The following OR10K2 variants were observed in gnomAD, a reference collection of about 807,000 sequenced individuals.
The protein encoded by OR10K2 is olfactory receptor 10K2.
For missense variants in OR10K2, 401 were observed against 367.1 expected (o/e 1.09, Z -0.76); for synonymous variants, 169 against 146.4 (o/e 1.15, Z -1.11).
chr1:158,421,077 A>G (rs1655147417), intron 1 of OR10K2, 150 bp from the exon 2 acceptor site: 1 of 599,386 alleles, frequency 1.7e-6, no homozygotes, highest in Non-Finnish European at 2.9e-6. Flanking sequence ...GAGTCTCCAT[A>G]GTAGTTCTAA....
chr1:158,422,769 A>G (rs961196275), intron 1 of OR10K2, among the ~76,000 whole-genome samples: 1 of 152,026 alleles, frequency 6.6e-6, no homozygotes, highest in African/African-American at 2.4e-5. Flanking sequence ...TAGGTCTGCA[A>G]TGAAGATACA....
chr1:158,420,246 C>T lies in OR10K2; in HGVS notation c.621G>A (p.Leu207=), dbSNP rs763063679. The T allele has an allele frequency of 6.2e-7, 1 of 1,613,752 alleles. No individual in the cohort carries two copies. The highest frequency in any genetic ancestry group is 1.3e-5 in the African/African-American group (1 of 75,006). ...CCAAGATCAACAATAAGGGGATAGCCAGGACCAATGTACAGAGCATGAAGA... is the reference window on the plus strand; with the variant it reads ...CCAAGATCAACAATAAGGGGATAGCTAGGACCAATGTACAGAGCATGAAGA... The part of the protein sequence containing the change: ...IVIFMLCTLV[L]AIPLLLILVS... The change falls in exon 2 of 2, where the codon CTG becomes CTA. Residue 207 remains leucine (L), a synonymous_variant. Coordinates refer to ENST00000641042, the MANE Select transcript of OR10K2 (RefSeq NM_001004476.2).
At position 158,420,635 on chromosome 1, in the gene OR10K2, C is replaced by T. The variant is rs541542957; in HGVS notation, c.232G>A (p.Val78Ile). Reference sequence around the variant, plus strand: ...AGCAGGTCAACCAGCATCTTGGGTACAATGATGAAGGTGTAGCAAATCTCA... The same window carrying T: ...AGCAGGTCAACCAGCATCTTGGGTATAATGATGAAGGTGTAGCAAATCTCA... ...CSEICYTFII[V>I]PKMLVDLLSQ... The change falls in exon 2 of 2, where the codon GTA becomes ATA. Residue 78 changes from valine (V) to isoleucine (I), a missense_variant. Val to Ile is a conservative substitution (Grantham distance 29). Coordinates refer to ENST00000641042, the MANE Select transcript of OR10K2 (RefSeq NM_001004476.2). 2 of 1,613,756 alleles carry T rather than the reference C, an allele frequency of 1.2e-6. No homozygotes were observed. The highest frequency in any genetic ancestry group is 4.5e-5 in the East Asian group (2 of 44,854).
chr1:158,424,934 G>A (rs969830432), intron 1 of OR10K2, among the ~76,000 whole-genome samples: 1 of 152,036 alleles, frequency 6.6e-6, no homozygotes, highest in South Asian at 2.1e-4. Flanking sequence ...CATTCATTCT[G>A]ATGTCAGCTA....
rs767492628 is a variant in OR10K2, at chr1:158,420,536, G to A, written c.331C>T (p.His111Tyr). ...MFSFLFLGCS[H>Y]SFLLAVMGYD... ...CCCATGACTGCCAGCAGAAAGGAGT[G>A]AGAGCAGCCAAGGAAGAGGAAGGAA... Residue 111 changes from histidine to tyrosine, a missense_variant, in exon 2 of 2, where the codon CAC becomes TAC. His to Tyr is a moderately conservative substitution (Grantham distance 83). Coordinates refer to ENST00000641042, the MANE Select transcript of OR10K2 (RefSeq NM_001004476.2). The A allele has an allele frequency of 2.5e-6, 4 of 1,613,764 alleles. No homozygotes were observed. The African/African-American group carries it at 4.0e-5, about 16-fold the overall frequency.
At position 158,420,084 on chromosome 1, in the gene OR10K2, C is replaced by A; in HGVS notation, c.783G>T (p.Arg261Ser). 1 of 1,613,538 alleles carries A rather than the reference C, an allele frequency of 6.2e-7. No homozygotes were observed. The highest frequency in any genetic ancestry group is 8.5e-7 in the Non-Finnish European group (1 of 1,179,810). Residue 261 changes from arginine (R) to serine (S), a missense_variant, in exon 2 of 2, where the codon AGG becomes AGT. By Grantham distance (110) the Arg-to-Ser change is moderately radical (BLOSUM62 -1). Coordinates refer to ENST00000641042, the MANE Select transcript of OR10K2 (RefSeq NM_001004476.2). ...GGCTTGAGGAGTAGTTGGACTGAGG[C>A]CTTAAGTAGATAAAGGAGGCACAGC... The part of the protein sequence containing the change: ...HYGCASFIYL[R>S]PQSNYSSSQD...
In OR10K2 at chr1:158,419,158, A is replaced by G. The variant is rs1350373879; in HGVS notation, c.*770T>C. On this transcript the variant is annotated 3_prime_UTR_variant, in exon 2 of 2. Transcript: ENST00000641042. ...TTTGGATATATCTTATGCATCAAAC[A>G]TTGTAATGACGCTTAACAAGTATCT... 2 of 154,780 alleles carry G rather than the reference A, an allele frequency of 1.3e-5. No individual in the cohort carries two copies. The highest frequency in any genetic ancestry group is 2.9e-5 in the Non-Finnish European group (2 of 68,194). The allele number at this position is 154,780 out of a possible 1,614,324, so 9.6% of individuals were successfully genotyped here. A position where few individuals can be genotyped will look rare whatever the true frequency, so the allele number is the denominator to read the frequency against.
intron 1 of OR10K2, among the ~76,000 whole-genome samples, chr1:158,422,475 A>G (rs1655173979): frequency 6.6e-6 from 1 of 152,068 alleles, no homozygotes; most frequent in Non-Finnish European, 1.5e-5. Context: ...CTGGCACTGA[A>G]GAGAGCATCT....
At chr1:158,423,227 A>ATT (rs11306254) in intron 1 of OR10K2, among the ~76,000 whole-genome samples, 141 of 136,338 alleles carry the variant, frequency 1.0e-3, no homozygotes, top group South Asian at 3.8e-3. Flanking sequence ...TTCGCCCAAT[A>ATT]TTTTTTTTTT....
rs981635199 is a variant in OR10K2, at chr1:158,419,179, T to C, written c.*749A>G. The C allele has an allele frequency of 2.6e-5, 4 of 154,772 alleles. No individual in the cohort carries two copies. Among genetic ancestry groups the C allele is most frequent in the Non-Finnish European group, 4.4e-5 (3 of 68,186 alleles). 9.6% of individuals were successfully genotyped at this position (154,772 alleles called of 1,614,324 possible). Reference sequence around the variant, plus strand: ...AAACATTGTAATGACGCTTAACAAGTATCTCATTTAACAATTGTGATCTGA... The same window carrying C: ...AAACATTGTAATGACGCTTAACAAGCATCTCATTTAACAATTGTGATCTGA... On this transcript the variant is annotated 3_prime_UTR_variant, in exon 2 of 2. Transcript: ENST00000641042.
chr1:158,424,735 A>ACCTGTGTGTG (rs1478821307), intron 1 of OR10K2, among the ~76,000 whole-genome samples: 1 of 80,270 alleles, frequency 1.2e-5, no homozygotes, highest in Non-Finnish European at 2.9e-5. Flanking sequence ...CTACAGTACA[A>ACCTGTGTGTG]TCTGTGTGTG....
chr1:158,420,000 A>T lies in OR10K2; in HGVS notation c.867T>A (p.Ile289=), dbSNP rs116653457. 8.2e-4 allele frequency: 1,324 copies of T among 1,613,270 alleles called. 12 individuals carry two copies. In the African/African-American group the frequency reaches 0.015, roughly 19 times the overall value. Residue 289 remains isoleucine (I), a synonymous_variant, in exon 2 of 2, where the codon ATT becomes ATA. Coordinates refer to ENST00000641042, the MANE Select transcript of OR10K2 (RefSeq NM_001004476.2). ...TGAACTCTTTATTTCTCAAGCTATA[A>T]ATCATTGGGTTGAACAATGGAGTTA... is the stretch of plus-strand genomic sequence containing the variant. ...TIITPLFNPM[I]YSLRNKEFKS...
At chr1:158,423,559 G>T (rs1447534827) in intron 1 of OR10K2, among the ~76,000 whole-genome samples, 1 of 151,908 alleles carries the variant, frequency 6.6e-6, no homozygotes, top group African/African-American at 2.4e-5. Context: ...ATATATGAAA[G>T]AGATTTGTCC....
intron 1 of OR10K2, among the ~76,000 whole-genome samples, chr1:158,423,876 G>A (rs1000541524): frequency 1.3e-5 from 2 of 151,952 alleles, no homozygotes; most frequent in African/African-American, 4.8e-5. Context: ...AAAGACTGGG[G>A]CAGATTGTCT....
At chr1:158,421,066 T>C (rs1655147131) in intron 1 of OR10K2, 139 bp from the exon 2 acceptor site, 1 of 609,818 alleles carries the variant, frequency 1.6e-6, no homozygotes, top group East Asian at 2.8e-5. Flanking sequence ...CATCAAACTT[T>C]GAGTCTCCAT....
In OR10K2 at chr1:158,419,968, G is replaced by C. The variant is rs1439777092; in HGVS notation, c.899C>G (p.Ala300Gly). 1 of 1,612,084 alleles carries C rather than the reference G, an allele frequency of 6.2e-7. No individual in the cohort carries two copies. The highest frequency in any genetic ancestry group is 1.7e-5 in the Admixed American group (1 of 59,638). ...YSLRNKEFKS[A>G]LCKIVRRTIS... ...TGTTCTTCTCACAATTTTACAAAGAGCTGATTTGAACTCTTTATTTCTCAA... is the reference window on the plus strand; with the variant it reads ...TGTTCTTCTCACAATTTTACAAAGACCTGATTTGAACTCTTTATTTCTCAA... The change falls in exon 2 of 2, where the codon GCT (alanine) becomes GGT (glycine). Residue 300 changes from alanine to glycine, a missense_variant. Transcript: ENST00000641042.
In OR10K2 at chr1:158,420,328, T is replaced by C. The variant is rs971519895; in HGVS notation, c.539A>G (p.Asp180Gly). Residue 180 changes from aspartate (D) to glycine (G), a missense_variant, in exon 2 of 2, where the codon GAC (aspartate) becomes GGC (glycine). By Grantham distance (94) the Asp-to-Gly change is moderately conservative (BLOSUM62 -1). Coordinates refer to ENST00000641042, the MANE Select transcript of OR10K2 (RefSeq NM_001004476.2). ...SSNQLHHFFC[D>G]IAPVLKLASH... ...TGCCAGCTTGAGGACAGGAGCAATG[T>C]CACAGAAGAAGTGATGTAGTTGATT... The C allele has an allele frequency of 5.6e-6, 9 of 1,613,718 alleles. No homozygotes were observed. The highest frequency in any genetic ancestry group is 4.0e-5 in the African/African-American group (3 of 74,876).
At chr1:158,424,027 A>G (rs987662573) in intron 1 of OR10K2, among the ~76,000 whole-genome samples, 2 of 152,206 alleles carry the variant, frequency 1.3e-5, no homozygotes, top group East Asian at 3.9e-4. Flanking sequence ...TAAACATTAT[A>G]AAATAAGTAT....
At chr1:158,425,386 G>A (rs12742451) in intron 1 of OR10K2, among the ~76,000 whole-genome samples, 44,922 of 151,942 alleles carry the variant, frequency 0.3, 7,221 homozygotes, top group Non-Finnish European at 0.36. Context: ...TCAGAAGAAT[G>A]TGATTTCCAC....
Sources: allele counts gnomAD v4.1 joint callset (sites outside exome capture counted in the v4.1 genomes callset), GRCh38; gene constraint gnomAD v4.1.1; transcripts MANE v1.5; gene names NCBI Gene and HGNC (gene_info 2026-07-23, HGNC 2026-07-21).